Variants in ANKIB1 observed in about 807,000 individuals in gnomAD.
ANKIB1 encodes ankyrin repeat and IBR domain-containing protein 1.
Under a neutral mutation model 122.1 loss-of-function variants are expected in ANKIB1, and 43 were observed. That is an observed-to-expected ratio of 0.35 (90% CI 0.28 to 0.45). The LOEUF (loss-of-function observed/expected upper bound fraction) is 0.45, where lower values mean the gene tolerates loss of function less well. Among genes scored for constraint, ANKIB1 ranks in the 20% least tolerant of loss-of-function variants. The pLI is 1.00. For missense variants in ANKIB1, 992 were observed against 1,329.5 expected, an observed-to-expected ratio of 0.75 and a Z score of 3.95; for synonymous variants, 390 against 442.0, an observed-to-expected ratio of 0.88 and a Z score of 1.48.
intron 5 of ANKIB1, among the ~76,000 whole-genome samples, chr7:92,332,798 A>G (rs534036116): frequency 8.5e-5 from 13 of 152,138 alleles, no homozygotes; most frequent in Middle Eastern, 6.8e-3. Flanking sequence ...GAAATAATAC[A>G]TTTCTCCCCC....
intron 1 of ANKIB1, among the ~76,000 whole-genome samples, chr7:92,263,286 G>A (rs1801601696): frequency 6.6e-6 from 1 of 152,152 alleles, no homozygotes; most frequent in Non-Finnish European, 1.5e-5. Context: ...TCAAAGAAGA[G>A]CAATGTTAAT....
intron 17 of ANKIB1, among the ~76,000 whole-genome samples, chr7:92,395,073 A>T (rs1413127064): frequency 6.6e-6 from 1 of 152,168 alleles, no homozygotes; most frequent in East Asian, 1.9e-4. Flanking sequence ...GATTCTCTAA[A>T]TTAGCCTTTT....
chr7:92,387,635 CA>C (rs371663281), intron 12 of ANKIB1, among the ~76,000 whole-genome samples, 162 bp from the exon 13 acceptor site: 3,722 of 117,938 alleles, frequency 0.032, 54 homozygotes, highest in Non-Finnish European at 0.048. Context: ...GACTCCGTCT[CA>C]AAAAAAAAAA....
chr7:92,377,196 G>A (rs1489625712), intron 11 of ANKIB1, among the ~76,000 whole-genome samples: 1 of 152,008 alleles, frequency 6.6e-6, no homozygotes, highest in Non-Finnish European at 1.5e-5. Context: ...ACACTTAGAG[G>A]TCCTTATAGG....
chr7:92,331,483 A>G (rs1803172646), intron 5 of ANKIB1, among the ~76,000 whole-genome samples: 1 of 152,032 alleles, frequency 6.6e-6, no homozygotes, highest in Admixed American at 6.6e-5. Context: ...GGGTTTGGCC[A>G]GGCTGGTCTG....
At chr7:92,374,901 A>T (rs564764611) in intron 11 of ANKIB1, among the ~76,000 whole-genome samples, 1 of 152,218 alleles carries the variant, frequency 6.6e-6, no homozygotes, top group South Asian at 2.1e-4. Context: ...AAGGTGAGGG[A>T]GTTCAAAGAC....
chr7:92,252,145 G>A (rs1032733355), intron 1 of ANKIB1, among the ~76,000 whole-genome samples: 6 of 152,054 alleles, frequency 3.9e-5, no homozygotes, highest in African/African-American at 1.4e-4. Flanking sequence ...GTAAAACCAT[G>A]CCACTAATAG....
At chr7:92,340,550 A>G (rs920477067) in intron 5 of ANKIB1, among the ~76,000 whole-genome samples, 7 of 152,234 alleles carry the variant, frequency 4.6e-5, no homozygotes, top group Non-Finnish European at 1.0e-4. Context: ...TATAAAGTCA[A>G]TTCATCAATT....
intron 1 of ANKIB1, among the ~76,000 whole-genome samples, chr7:92,292,890 C>T (rs1802280855): frequency 1.3e-5 from 2 of 152,026 alleles, no homozygotes; most frequent in African/African-American, 4.8e-5. Flanking sequence ...GTGAGGTAAA[C>T]CATGAGCTTT....
At position 92,332,430 on chromosome 7, in the gene ANKIB1, A is replaced by C. The variant is rs538604436; in HGVS notation, c.787+4530A>C. Among the ~76,000 whole-genome samples the C allele has an allele frequency of 4.6e-5, 7 of 152,306 alleles. No individual in the cohort carries two copies. The East Asian group carries it at 1.2e-3, about 25-fold the overall frequency. On this transcript the variant is annotated intron_variant, in intron 5 of 19. Coordinates refer to ENST00000265742, the MANE Select transcript of ANKIB1 (RefSeq NM_019004.2). ...ATACTGTGTTATCAAATATAATCCC[A>C]AGGTAATGAAGTTGATGTAGATTAA...
At chr7:92,287,052 C>T (rs543687482) in intron 1 of ANKIB1, among the ~76,000 whole-genome samples, 5 of 152,142 alleles carry the variant, frequency 3.3e-5, no homozygotes, top group South Asian at 4.1e-4. Context: ...GAATTTTTTT[C>T]GCCTTTTTAT....
At chr7:92,391,095 CAT>C (rs1562801048) in intron 15 of ANKIB1, 69 bp from the exon 16 acceptor site, 2 of 1,346,750 alleles carry the variant, frequency 1.5e-6, no homozygotes, top group East Asian at 5.0e-5. Context: ...TGAGAAACCA[CAT>C]AGACCCTGGA....
At chr7:92,257,879 C>T (rs948854993) in intron 1 of ANKIB1, among the ~76,000 whole-genome samples, 1 of 152,192 alleles carries the variant, frequency 6.6e-6, no homozygotes, top group African/African-American at 2.4e-5. Context: ...TATTGAAACT[C>T]AGGCCTTGTA....
At chr7:92,386,415 A>G in intron 11 of ANKIB1, 94 bp from the exon 12 acceptor site, 1 of 1,340,554 alleles carries the variant, frequency 7.5e-7, no homozygotes, top group Non-Finnish European at 9.9e-7. Flanking sequence ...CACAAGCACA[A>G]TTATTTAATC....
At chr7:92,348,481 G>T (rs900237558) in intron 7 of ANKIB1, among the ~76,000 whole-genome samples, 1 of 151,734 alleles carries the variant, frequency 6.6e-6, no homozygotes, top group Non-Finnish European at 1.5e-5. Flanking sequence ...TGCCTCCCGG[G>T]TTCAAGTGAT....
At chr7:92,290,326 T>C (rs1194677059) in intron 1 of ANKIB1, among the ~76,000 whole-genome samples, 1 of 151,846 alleles carries the variant, frequency 6.6e-6, no homozygotes, top group Non-Finnish European at 1.5e-5. Context: ...TTGTTATCAG[T>C]AATGCAGATA....
Position 92,390,009 on chromosome 7 carries a change from G to GCA in ANKIB1, c.1946_1947dup (p.Val650GlnfsTer6). Reference sequence around the variant, plus strand: ...TCCAGATACCACTTTCATTGAAGATGCAGTTCATGTGCTCTTAAAAACTCG... The same window carrying GCA: ...TCCAGATACCACTTTCATTGAAGATGCACAGTTCATGTGCTCTTAAAAACTCG... On this transcript the variant is annotated frameshift_variant, in exon 15 of 20. Coordinates refer to ENST00000265742, the MANE Select transcript of ANKIB1 (RefSeq NM_019004.2). LOFTEE classifies it high-confidence loss of function. The GCA allele has an allele frequency of 6.2e-7, 1 of 1,603,076 alleles. No homozygotes were observed. Among genetic ancestry groups the GCA allele is most frequent in the Non-Finnish European group, 8.5e-7 (1 of 1,176,524 alleles).
At chr7:92,280,889 C>T (rs1802000870) in intron 1 of ANKIB1, among the ~76,000 whole-genome samples, 1 of 152,152 alleles carries the variant, frequency 6.6e-6, no homozygotes, top group African/African-American at 2.4e-5. Flanking sequence ...AGTGCATTTG[C>T]CATATTTTAG....
At chr7:92,289,698 A>T (rs146691061) in intron 1 of ANKIB1, among the ~76,000 whole-genome samples, 2 of 152,340 alleles carry the variant, frequency 1.3e-5, no homozygotes, top group East Asian at 3.9e-4. Context: ...CCATTGGTCA[A>T]TAATGCATGC....
Sources: gnomAD v4.1 joint callset for allele counts (sites outside exome capture counted in the v4.1 genomes callset) on GRCh38, gnomAD v4.1.1 for gene constraint, MANE v1.5 for transcripts, NCBI Gene and HGNC (gene_info 2026-07-23, HGNC 2026-07-21) for gene names.